ADAMTS1: variants seen among roughly 807,000 people sequenced by gnomAD.
ADAMTS1 encodes the protein A disintegrin and metalloproteinase with thrombospondin motifs 1.
Under a neutral mutation model 87.9 loss-of-function variants are expected in ADAMTS1, and 19 were observed. The ratio of observed to expected loss-of-function variants is 0.22; its 90% confidence interval spans 0.15 to 0.32. The LOEUF is 0.32. ADAMTS1 is among the 10% of genes least tolerant of loss of function. The pLI is 1.00. For missense variants in ADAMTS1, 1,240 were observed against 1,259.1 expected, an observed-to-expected ratio of 0.98 and a Z score of 0.23; for synonymous variants, 542 against 501.8, an observed-to-expected ratio of 1.08 and a Z score of -1.07.
At chr21:26,843,658 T>TCG (rs1985543980) in intron 1 of ADAMTS1, 2 of 467,614 alleles carry the variant, frequency 4.3e-6, no homozygotes, top group South Asian at 3.2e-5. Context: ...CCCACCGCCT[T>TCG]CAGCCCGCCT....
In ADAMTS1 at chr21:26,842,732, T is replaced by C. The variant is rs1056846200; in HGVS notation, c.731-47A>G. ...TGCTTATGGTCAGGCTGTCCAAGAA[T>C]AGTTACCTTCCTAGCATATATTAGG... On this transcript the variant is annotated intron_variant, in intron 1 of 8. Transcript: ENST00000284984. 2.0e-6 allele frequency: 3 copies of C among 1,522,978 alleles called. No individual in the cohort carries two copies. In the African/African-American group the frequency reaches 4.2e-5, roughly 21 times the overall value. 94.3% of individuals were successfully genotyped at this position (1,522,978 alleles called of 1,614,324 possible). A position where few individuals can be genotyped will look rare whatever the true frequency, so the allele number is the denominator to read the frequency against.
In ADAMTS1 at chr21:26,844,613, C is replaced by T. The variant is rs777690102; in HGVS notation, c.342G>A (p.Pro114=). 6 of 1,609,738 alleles carry T rather than the reference C, an allele frequency of 3.7e-6. 1 individual carries two copies. The South Asian group carries it at 6.6e-5, about 18-fold the overall frequency. The change falls in exon 1 of 9, where the codon CCG becomes CCA. Residue 114 remains proline (P), a synonymous_variant. Coordinates refer to ENST00000284984, the MANE Select transcript of ADAMTS1 (RefSeq NM_006988.5). ...NVGRKSGSET[P]LPETDLAHCF... is the part of the protein sequence containing the mutation. ...AGTGCGCCAGGTCGGTTTCCGGAAG[C>T]GGCGTCTCGGACCCGGATTTGCGCC...
In ADAMTS1 at chr21:26,836,924, A is replaced by G. The variant is rs1985375918; in HGVS notation, c.*655T>C. 6.6e-6 allele frequency: 1 copy of G among 152,270 alleles called. No homozygotes were observed. Among genetic ancestry groups the G allele is most frequent in the African/African-American group, 2.4e-5 (1 of 41,454 alleles). The allele number at this position is 152,270 out of a possible 1,614,324, so 9.4% of individuals were successfully genotyped here. A position where few individuals can be genotyped will look rare whatever the true frequency, so the allele number is the denominator to read the frequency against. On this transcript the variant is annotated 3_prime_UTR_variant, in exon 9 of 9. Coordinates refer to ENST00000284984, the MANE Select transcript of ADAMTS1 (RefSeq NM_006988.5). ...AATACATGGAGTTGTTTTTTCCTCA[A>G]AATGAATTACACAAATAAAGACTGA...
intron 1 of ADAMTS1, chr21:26,843,890 G>A: frequency 2.1e-6 from 1 of 476,754 alleles, no homozygotes; most frequent in Non-Finnish European, 4.0e-6. Flanking sequence ...GAAATACACA[G>A]AGTGGAAAGA....
chr21:26,842,588 A>G lies in ADAMTS1; in HGVS notation c.828T>C (p.Ser276=), dbSNP rs1601923718. The G allele has an allele frequency of 6.2e-7, 1 of 1,614,140 alleles. No homozygotes were observed. The highest frequency in any genetic ancestry group is 2.2e-5 in the East Asian group (1 of 44,870). The change falls in exon 2 of 9, where the codon AGT becomes AGC. Residue 276 remains serine (S), a synonymous_variant. Transcript: ENST00000284984. ...ADQSMAEFHG[S]GLKHYLLTLF... is the part of the protein sequence containing the mutation. ...ACGTGAGAAGGTAATGCTTTAGACC[A>G]CTGCCGTGGAATTCTGCCATCGACT...
rs928811879 is a variant in ADAMTS1 at position 26,844,544 on chromosome 21, G to C, written c.411C>G (p.Ala137=). 52 of 1,606,358 alleles carry C rather than the reference G, an allele frequency of 3.2e-5. No individual in the cohort carries two copies. Among genetic ancestry groups the C allele is most frequent in the Middle Eastern group, 1.6e-4 (1 of 6,074 alleles). ...GTVNGDPSSA[A]ALSLCEGVRG... ...GCACGCCCTCGCAGAGGCTGAGGGC[G>C]GCAGCCGAGCTGGGATCGCCATTCA... The change falls in exon 1 of 9, where the codon GCC becomes GCG. Residue 137 remains alanine, a synonymous_variant. Coordinates refer to ENST00000284984, the MANE Select transcript of ADAMTS1 (RefSeq NM_006988.5).
chr21:26,843,109 G>A (rs1985530352), intron 1 of ADAMTS1: 2 of 259,888 alleles, frequency 7.7e-6, no homozygotes, highest in Non-Finnish European at 1.5e-5. Context: ...GCCTCGGGTA[G>A]GGCCTGGGCT....
At position 26,838,697 on chromosome 21, in the gene ADAMTS1, A is replaced by G; in HGVS notation, c.2029-83T>C. 2.9e-6 allele frequency: 4 copies of G among 1,369,336 alleles called. No homozygotes were observed. The South Asian group carries it at 4.0e-5, about 14-fold the overall frequency. 84.8% of individuals were successfully genotyped at this position (1,369,336 alleles called of 1,614,324 possible). ...TGATAAGTGTAAACATTTTCTCTCT[A>G]CTTTCCTGACCATGCTAATTAAACA... is the stretch of plus-strand genomic sequence containing the variant. On this transcript the variant is annotated intron_variant, in intron 7 of 8. Coordinates refer to ENST00000284984, the MANE Select transcript of ADAMTS1 (RefSeq NM_006988.5).
At position 26,839,828 on chromosome 21, in the gene ADAMTS1, T is replaced by C. The variant is rs374015739; in HGVS notation, c.1852+47A>G. On this transcript the variant is annotated intron_variant, in intron 6 of 8. Transcript: ENST00000284984. ...CTTGAGCCACCTGTTTGTGGGTACA[T>C]CTTTTTTTAATCCAGTTTCTTAAAA... is the stretch of plus-strand genomic sequence containing the variant. 2,302 of 1,605,598 alleles carry C rather than the reference T, an allele frequency of 1.4e-3. 4 individuals carry two copies. Among genetic ancestry groups the C allele is most frequent in the Non-Finnish European group, 1.9e-3 (2,181 of 1,174,796 alleles).
chr21:26,841,432 T>C (rs1601923181), intron 3 of ADAMTS1: 2 of 346,480 alleles, frequency 5.8e-6, no homozygotes, highest in East Asian at 1.1e-4. Flanking sequence ...TGAGCCGAGA[T>C]TGTGCCACTC....
At position 26,837,731 on chromosome 21, in the gene ADAMTS1, A is replaced by G. The variant is rs747728864; in HGVS notation, c.2752T>C (p.Ser918Pro). The G allele has an allele frequency of 6.2e-7, 1 of 1,614,158 alleles. No homozygotes were observed. The highest frequency in any genetic ancestry group is 2.2e-5 in the East Asian group (1 of 44,870). ...PCPQWQLGEW[S>P]SCSKTCGKGY... ...TTCCCACAGGTCTTAGAACATGATG[A>G]CCACTCCCCCAGCTGCCACTGGGGG... The change falls in exon 9 of 9, where the codon TCA (serine) becomes CCA (proline). Residue 918 changes from serine (S) to proline (P), a missense_variant. Transcript: ENST00000284984.
Position 26,840,011 on chromosome 21 carries a change from C to T in ADAMTS1, c.1716G>A (p.Ser572=), listed in dbSNP as rs748181266. The change falls in exon 6 of 9, where the codon TCG becomes TCA. Residue 572 remains serine, a synonymous_variant. Transcript: ENST00000284984. Reference sequence around the variant, plus strand: ...ACTGGACTCCTCCACCGCACGTTCTCGAACAGTCTCCCCAAGGCCCCCACA... The same window carrying T: ...ACTGGACTCCTCCACCGCACGTTCTTGAACAGTCTCCCCAAGGCCCCCACA... ...WGMWGPWGDC[S]RTCGGGVQYT... is the part of the protein sequence containing the mutation. 15 of 1,613,948 alleles carry T rather than the reference C, an allele frequency of 9.3e-6. No individual in the cohort carries two copies. Among genetic ancestry groups the T allele is most frequent in the East Asian group, 2.2e-5 (1 of 44,866 alleles).
At chr21:26,840,730 T>C (rs1985476237) in intron 4 of ADAMTS1, among the ~76,000 whole-genome samples, 168 bp from the exon 5 acceptor site, 1 of 152,196 alleles carries the variant, frequency 6.6e-6, no homozygotes, top group Non-Finnish European at 1.5e-5. Flanking sequence ...ACTATTAAGA[T>C]CTTATCCTCA....
intron 2 of ADAMTS1, 67 bp downstream of exon 2, chr21:26,842,272 A>G: frequency 3.4e-6 from 5 of 1,465,692 alleles, no homozygotes; most frequent in Non-Finnish European, 4.6e-6. Context: ...TGCCTTGTAT[A>G]TATCTTTTTG....
chr21:26,842,131 T>G (rs1013129338), intron 2 of ADAMTS1, 141 bp from the exon 3 acceptor site: 1 of 1,115,554 alleles, frequency 9.0e-7, no homozygotes, highest in African/African-American at 1.6e-5. Flanking sequence ...TCATGTGACT[T>G]TAATCAAGCT....
At position 26,844,491 on chromosome 21, in the gene ADAMTS1, G is replaced by A; in HGVS notation, c.464C>T (p.Ala155Val). 4.4e-6 allele frequency: 7 copies of A among 1,591,772 alleles called. No homozygotes were observed. Among genetic ancestry groups the A allele is most frequent in the Middle Eastern group, 1.7e-4 (1 of 5,976 alleles). Residue 155 changes from alanine to valine, a missense_variant, in exon 1 of 9, where the codon GCG becomes GTG. Physicochemically the swap from Ala to Val is moderately conservative, Grantham distance 64 (BLOSUM62 0). Coordinates refer to ENST00000284984, the MANE Select transcript of ADAMTS1 (RefSeq NM_006988.5). ...GGCGGGCAGCGGCTGGATGAAATACGCCTCCCCCAGCAGGTAGAAGGCGCC... is the reference window on the plus strand; with the variant it reads ...GGCGGGCAGCGGCTGGATGAAATACACCTCCCCCAGCAGGTAGAAGGCGCC... The part of the protein sequence containing the change: ...VRGAFYLLGE[A>V]YFIQPLPAAS...
chr21:26,840,670 A>C, intron 4 of ADAMTS1, 108 bp from the exon 5 acceptor site: 2 of 1,278,996 alleles, frequency 1.6e-6, no homozygotes, highest in Non-Finnish European at 2.1e-6. Context: ...CAGCAAAGTG[A>C]TCTGAAAACT....
At position 26,844,783 on chromosome 21, in the gene ADAMTS1, C is replaced by G. The variant is rs1302248772; in HGVS notation, c.172G>C (p.Glu58Gln). 6.5e-7 allele frequency: 1 copy of G among 1,546,652 alleles called. No individual in the cohort carries two copies. Among genetic ancestry groups the G allele is most frequent in the Non-Finnish European group, 8.7e-7 (1 of 1,144,004 alleles). Reference sequence around the variant, plus strand: ...TCCAGCTCCGGCACCACTAGCTCCTCGTCCTCCTCGGAGGGGCGCCCGAGT... The same window carrying G: ...TCCAGCTCCGGCACCACTAGCTCCTGGTCCTCCTCGGAGGGGCGCCCGAGT... ...DALGRPSEED[E>Q]ELVVPELERA... The change falls in exon 1 of 9, where the codon GAG (glutamate) becomes CAG (glutamine). Residue 58 changes from glutamate to glutamine, a missense_variant. Transcript: ENST00000284984.
Position 26,840,256 on chromosome 21 carries a change from G to C in ADAMTS1, c.1665+20C>G, listed in dbSNP as rs569709430. ...CTTTGTTCTTTTCAATTCTGAATGT[G>C]TTTCAGTAGAAAAACTCACATCAAA... On this transcript the variant is annotated intron_variant, in intron 5 of 8. Transcript: ENST00000284984. 2 of 1,606,144 alleles carry C rather than the reference G, an allele frequency of 1.2e-6. No homozygotes were observed. The highest frequency in any genetic ancestry group is 2.2e-5 in the South Asian group (2 of 90,104).
Sources: gnomAD v4.1 joint callset for allele counts (sites outside exome capture counted in the v4.1 genomes callset) on GRCh38, gnomAD v4.1.1 for gene constraint, MANE v1.5 for transcripts, NCBI Gene and HGNC (gene_info 2026-07-23, HGNC 2026-07-21) for gene names.